The following C16orf87 variants were observed in gnomAD, a reference collection of about 807,000 sequenced individuals.
C16orf87 encodes UPF0547 protein C16orf87.
C16orf87 carries 13 observed loss-of-function variants against 21.0 expected under a neutral mutation model. The observed-to-expected ratio is 0.62, with a 90% CI of 0.40 to 0.98. The LOEUF is 0.98. Ranked by LOEUF, C16orf87 falls within the 50% of genes least tolerant of loss-of-function variation. The probability of loss-of-function intolerance (pLI) is 0.00; values close to 1 mark genes in which losing one functional copy is unlikely to be tolerated. For synonymous variants in C16orf87, 49 were observed against 60.2 expected, an observed-to-expected ratio of 0.81 and a Z score of 0.86; for missense variants, 113 against 180.4, an observed-to-expected ratio of 0.63 and a Z score of 2.14.
intron 1 of C16orf87, among the ~76,000 whole-genome samples, chr16:46,827,516 C>G (rs993711860): frequency 6.6e-6 from 1 of 151,978 alleles, no homozygotes; most frequent in African/African-American, 2.4e-5. Flanking sequence ...GGCATTAATT[C>G]ACTTTTTTAA....
At chr16:46,813,420 A>T (rs1266876075) in intron 2 of C16orf87, among the ~76,000 whole-genome samples, 1 of 136,294 alleles carries the variant, frequency 7.3e-6, no homozygotes, top group East Asian at 2.1e-4. Flanking sequence ...ATTTCTCTCC[A>T]CCTCCACAGG....
In C16orf87 at chr16:46,801,542, T is replaced by C. The variant is rs1967776550; in HGVS notation, c.*1410A>G. On this transcript the variant is annotated 3_prime_UTR_variant, in exon 4 of 4. Transcript: ENST00000285697. ...CTCCTAAATAAATAAATAAAATGCA[T>C]ACAAAATAGTTGCAGTAGTACCTGC... 1 of 152,074 alleles carries C rather than the reference T, an allele frequency of 6.6e-6. No homozygotes were observed. Among genetic ancestry groups the C allele is most frequent in the Admixed American group, 6.6e-5 (1 of 15,254 alleles). The allele number at this position is 152,074 out of a possible 1,614,324, so 9.4% of individuals were successfully genotyped here.
chr16:46,807,940 TATCTGCTTTCTC>T (rs979868219), intron 3 of C16orf87: 16 of 440,532 alleles, frequency 3.6e-5, no homozygotes, highest in Non-Finnish European at 7.3e-5. Flanking sequence ...AGATGGTCAT[TATCTGCTTTCTC>T]ATCTTCTCTC....
chr16:46,807,977 G>GCATTC (rs1251037106), intron 3 of C16orf87: 1 of 453,858 alleles, frequency 2.2e-6, no homozygotes, highest in East Asian at 7.0e-5. Flanking sequence ...ACCACCAGAA[G>GCATTC]CATTCTCTTC....
chr16:46,809,069 G>C (rs113002226), intron 3 of C16orf87, among the ~76,000 whole-genome samples: 2,114 of 150,242 alleles, frequency 0.014, 48 homozygotes, highest in African/African-American at 0.05. Flanking sequence ...AGGCCAAGGA[G>C]GGCAGATTGC....
chr16:46,822,831 A>T (rs1470261356), intron 2 of C16orf87, among the ~76,000 whole-genome samples: 1 of 152,044 alleles, frequency 6.6e-6, no homozygotes, highest in Non-Finnish European at 1.5e-5. Flanking sequence ...TCCTCTCTTC[A>T]TCCCACCCCA....
chr16:46,804,607 T>A (rs8051017), intron 3 of C16orf87, among the ~76,000 whole-genome samples: 1 of 152,132 alleles, frequency 6.6e-6, no homozygotes, highest in Admixed American at 6.5e-5. Context: ...TAGTTATTTT[T>A]AAAATCAATG....
chr16:46,806,255 A>ATTTTTTTT (rs765265445), intron 3 of C16orf87, among the ~76,000 whole-genome samples: 1 of 125,792 alleles, frequency 7.9e-6, no homozygotes, highest in African/African-American at 3.0e-5. Context: ...GTCTACATTC[A>ATTTTTTTT]TTTTTTTTTT....
rs1967693369 is a variant in C16orf87 at position 46,798,806 on chromosome 16, A to G, written c.*4146T>C. 1 of 152,280 alleles carries G rather than the reference A, an allele frequency of 6.6e-6. No homozygotes were observed. The highest frequency in any genetic ancestry group is 1.5e-5 in the Non-Finnish European group (1 of 68,040). The allele number at this position is 152,280 out of a possible 1,614,324, so 9.4% of individuals were successfully genotyped here. On this transcript the variant is annotated 3_prime_UTR_variant, in exon 4 of 4. Transcript: ENST00000285697. ...CCATATGAACATTCTAAAGGGGAGA[A>G]AAAAGGTCCTATCAATTATGCAGAA...
At chr16:46,817,860 A>G (rs1229444569) in intron 2 of C16orf87, among the ~76,000 whole-genome samples, 3 of 150,670 alleles carry the variant, frequency 2.0e-5, no homozygotes, top group African/African-American at 7.3e-5. Flanking sequence ...CTATATGATT[A>G]AGAACCTAAA....
intron 3 of C16orf87, among the ~76,000 whole-genome samples, chr16:46,806,833 T>C (rs765239370): frequency 2.0e-5 from 3 of 152,262 alleles, no homozygotes; most frequent in Non-Finnish European, 4.4e-5. Context: ...ATCTCTCATC[T>C]GACTAGATAG....
At chr16:46,815,695 C>T (rs939932515) in intron 2 of C16orf87, among the ~76,000 whole-genome samples, 3 of 152,022 alleles carry the variant, frequency 2.0e-5, no homozygotes, top group African/African-American at 7.2e-5. Context: ...AGCAAGATAC[C>T]ACTTCATACT....
In C16orf87 at chr16:46,811,586, T is replaced by TA. The variant is rs145976417; in HGVS notation, c.164-1802dup. On this transcript the variant is annotated intron_variant, in intron 2 of 3. Transcript: ENST00000285697. Reference sequence around the variant, plus strand: ...CATCACTACCTATTAAGTAGTCTTGTAAAAAAAAAAAAATTCCAATCTCTC... The same window carrying TA: ...CATCACTACCTATTAAGTAGTCTTGTAAAAAAAAAAAAAATTCCAATCTCTC... Among the ~76,000 whole-genome samples, 1,120 of 143,786 alleles carry TA rather than the reference T, an allele frequency of 7.8e-3. 6 individuals are homozygous for TA. The highest frequency in any genetic ancestry group is 0.015 in the East Asian group (76 of 4,914). 94.3% of individuals were successfully genotyped at this position (143,786 alleles called of 152,430 possible). A position where few individuals can be genotyped will look rare whatever the true frequency, so the allele number is the denominator to read the frequency against.
At chr16:46,824,346 C>A in intron 2 of C16orf87, 40 bp downstream of exon 2, 1 of 886,672 alleles carries the variant, frequency 1.1e-6, no homozygotes, top group South Asian at 1.5e-5. Context: ...CTTTACATTT[C>A]TACATCAAAA....
intron 1 of C16orf87, among the ~76,000 whole-genome samples, chr16:46,829,046 C>T (rs906888661): frequency 6.6e-6 from 1 of 152,082 alleles, no homozygotes; most frequent in African/African-American, 2.4e-5. Context: ...ATATTGAAGC[C>T]TTAACCGCAA....
intron 1 of C16orf87, 91 bp downstream of exon 1, chr16:46,830,993 C>T: frequency 2.0e-6 from 2 of 1,008,620 alleles, no homozygotes; most frequent in Non-Finnish European, 2.8e-6. Context: ...GCCCACCGCT[C>T]GGCCTCCGGG....
chr16:46,810,887 G>T (rs1968060730), intron 2 of C16orf87, among the ~76,000 whole-genome samples: 1 of 152,208 alleles, frequency 6.6e-6, no homozygotes, highest in Non-Finnish European at 1.5e-5. Flanking sequence ...AATAAAAATA[G>T]TAACTGTAAC....
Position 46,798,638 on chromosome 16 carries a change from C to T in C16orf87, c.*4314G>A, listed in dbSNP as rs1260607149. The T allele has an allele frequency of 6.6e-6, 1 of 151,774 alleles. No individual in the cohort carries two copies. The highest frequency in any genetic ancestry group is 1.5e-5 in the Non-Finnish European group (1 of 68,082). 9.4% of individuals were successfully genotyped at this position (151,774 alleles called of 1,614,324 possible). A position where few individuals can be genotyped will look rare whatever the true frequency, so the allele number is the denominator to read the frequency against. On this transcript the variant is annotated 3_prime_UTR_variant, in exon 4 of 4. Coordinates refer to ENST00000285697, the MANE Select transcript of C16orf87 (RefSeq NM_001001436.4). ...TGATGCACACCTGTATACCCAGGTA[C>T]TTGGGAGGCTGGTGAGGGAAGCTTG...
intron 3 of C16orf87, among the ~76,000 whole-genome samples, chr16:46,807,771 A>G (rs2143064819): frequency 6.6e-6 from 1 of 152,374 alleles, no homozygotes; most frequent in Admixed American, 6.5e-5. Flanking sequence ...TACTCTAGAA[A>G]TAGCTTTCTT....
Sources: gnomAD v4.1 joint callset for allele counts (sites outside exome capture counted in the v4.1 genomes callset) on GRCh38, gnomAD v4.1.1 for gene constraint, MANE v1.5 for transcripts, NCBI Gene and HGNC (gene_info 2026-07-23, HGNC 2026-07-21) for gene names.